The following ENTPD5 variants were observed in gnomAD, a reference collection of about 807,000 sequenced individuals.
The protein encoded by ENTPD5 is nucleoside diphosphate phosphatase ENTPD5.
In ENTPD5, 49 loss-of-function variants were observed where a neutral mutation model predicts 60.2. The ratio of observed to expected loss-of-function variants is 0.81; its 90% CI spans 0.65 to 1.03. The LOEUF (loss-of-function observed/expected upper bound fraction) is 1.03. Ranked by LOEUF, ENTPD5 falls within the 50% of genes least tolerant of loss-of-function variation. ENTPD5 has a pLI of 0.00. For missense variants in ENTPD5, 480 were observed against 507.6 expected, an observed-to-expected ratio of 0.95 and a Z score of 0.52; for synonymous variants, 187 against 185.4, an observed-to-expected ratio of 1.01 and a Z score of -0.07.
chr14:73,981,077 C>T lies in ENTPD5; in HGVS notation c.441+1941G>A, dbSNP rs144090634. ...TCGCACTACTGCACTCCAGCCTGGG[C>T]GACAGAGCAAGTCTCCGCCTCTCAA... is the stretch of plus-strand genomic sequence containing the variant. On this transcript the variant is annotated intron_variant, in intron 6 of 15. Coordinates refer to ENST00000334696, the MANE Select transcript of ENTPD5 (RefSeq NM_001249.5). Among the ~76,000 whole-genome samples, 676 of 151,200 alleles carry T rather than the reference C, an allele frequency of 4.5e-3. 4 individuals carry two copies. Among genetic ancestry groups the T allele is most frequent in the Non-Finnish European group, 6.2e-3 (422 of 67,804 alleles).
chr14:73,972,342 C>A (rs1566713204), intron 13 of ENTPD5, among the ~76,000 whole-genome samples: 1 of 152,100 alleles, frequency 6.6e-6, no homozygotes, highest in Non-Finnish European at 1.5e-5. Context: ...CCATTGCACT[C>A]CAGCCTGGGT....
chr14:74,007,059 T>C (rs1195361876), intron 3 of ENTPD5, among the ~76,000 whole-genome samples: 1 of 152,168 alleles, frequency 6.6e-6, no homozygotes, highest in African/African-American at 2.4e-5. Flanking sequence ...ATAGAAACTT[T>C]ATGCTACATA....
chr14:73,976,544 G>T, intron 8 of ENTPD5, 132 bp from the exon 9 acceptor site: 2 of 662,644 alleles, frequency 3.0e-6, no homozygotes, highest in Admixed American at 2.9e-5. Flanking sequence ...GGCTGCAGGT[G>T]AATGTCAACT....
chr14:73,972,990 C>G lies in ENTPD5; in HGVS notation c.921G>C (p.Val307=), dbSNP rs17094438. The G allele has an allele frequency of 1.6e-3, 2,635 of 1,614,212 alleles. 43 individuals carry two copies. The African/African-American group carries it at 0.032, about 20-fold the overall frequency. The change falls in exon 13 of 16, where the codon GTG becomes GTC. Residue 307 remains valine, a synonymous_variant. Transcript: ENST00000334696. ...GAAGTTTTCCTCGTACCACCCTCAG[C>G]ACTTCGGCATAGCAGGGCTCAAAGC... The part of the protein sequence containing the change: ...EVGFEPCYAE[V]LRVVRGKLHQ...
At chr14:73,978,326 G>A (rs1331581989) in intron 6 of ENTPD5, among the ~76,000 whole-genome samples, 2 of 151,750 alleles carry the variant, frequency 1.3e-5, no homozygotes, top group African/African-American at 2.4e-5. Flanking sequence ...AGTGGCAGCC[G>A]GGCATGGTGG....
intron 3 of ENTPD5, chr14:74,003,417 A>G: frequency 1.0e-6 from 1 of 966,794 alleles, no homozygotes; most frequent in Non-Finnish European, 1.6e-6. Context: ...GTGGAGGAAA[A>G]AGCGAATGTG....
chr14:73,997,632 C>T (rs553489477), intron 3 of ENTPD5, among the ~76,000 whole-genome samples: 1 of 152,172 alleles, frequency 6.6e-6, no homozygotes, highest in South Asian at 2.1e-4. Flanking sequence ...CAAGCAAAAC[C>T]AAGGTAGGTC....
Position 73,966,422 on chromosome 14 carries a change from T to C in ENTPD5, c.*506A>G, listed in dbSNP as rs186508575. The C allele has an allele frequency of 3.6e-3, 544 of 152,640 alleles. 13 individuals carry two copies. Among genetic ancestry groups the C allele is most frequent in the Admixed American group, 0.031 (478 of 15,294 alleles). The allele number at this position is 152,640 out of a possible 1,614,324, so 9.5% of individuals were successfully genotyped here. ...GAATAGGATCATACAGATTCTGACA[T>C]GGTCCCATTTTGCGTTGTTGAATTA... On this transcript the variant is annotated 3_prime_UTR_variant, in exon 16 of 16. Coordinates refer to ENST00000334696, the MANE Select transcript of ENTPD5 (RefSeq NM_001249.5).
intron 15 of ENTPD5, 60 bp from the exon 16 acceptor site, chr14:73,967,074 G>T: frequency 7.1e-7 from 1 of 1,417,534 alleles, no homozygotes; most frequent in Non-Finnish European, 9.9e-7. Flanking sequence ...AGCAAGCACA[G>T]CTCTTGGGCA....
At chr14:74,002,941 G>T (rs929646194) in intron 3 of ENTPD5, among the ~76,000 whole-genome samples, 1 of 152,058 alleles carries the variant, frequency 6.6e-6, no homozygotes, top group Non-Finnish European at 1.5e-5. Context: ...TGACCTCTGC[G>T]CTTATTCACT....
downstream of ENTPD5, chr14:73,961,541 G>C (rs1355230476): frequency 6.2e-7 from 1 of 1,614,182 alleles, no homozygotes. Context: ...CATCACCTCA[G>C]TACGGCAGCC....
At chr14:73,983,187 T>C in intron 5 of ENTPD5, 26 bp from the exon 6 acceptor site, 1 of 1,593,054 alleles carries the variant, frequency 6.3e-7, no homozygotes, top group Non-Finnish European at 8.6e-7. Context: ...CCCGTTCATC[T>C]GATGAACGAT....
intron 14 of ENTPD5, among the ~76,000 whole-genome samples, chr14:73,971,599 G>A (rs1236703585): frequency 6.6e-6 from 1 of 152,182 alleles, no homozygotes; most frequent in South Asian, 2.1e-4. Context: ...TGTGATTATA[G>A]TGCACTATAA....
At chr14:73,971,780 G>T in intron 14 of ENTPD5, 72 bp downstream of exon 14, 2 of 983,400 alleles carry the variant, frequency 2.0e-6, no homozygotes, top group Non-Finnish European at 3.2e-6. Flanking sequence ...AGGTGCTTTA[G>T]GTCACTTTAG....
At chr14:73,996,373 T>C (rs1379935430) in intron 3 of ENTPD5, 7 of 181,742 alleles carry the variant, frequency 3.9e-5, no homozygotes, top group Non-Finnish European at 6.3e-5. Flanking sequence ...TTATCGCTCA[T>C]AGGGCGGAAG....
intron 3 of ENTPD5, among the ~76,000 whole-genome samples, chr14:74,006,583 CTT>C (rs753313229): frequency 3.8e-4 from 54 of 140,674 alleles, no homozygotes; most frequent in Admixed American, 3.6e-4. Context: ...ACACCCGGCC[CTT>C]TTTTTTTTTT....
intron 1 of ENTPD5, among the ~76,000 whole-genome samples, chr14:74,018,292 G>A (rs1019516069): frequency 3.3e-5 from 5 of 152,212 alleles, no homozygotes; most frequent in African/African-American, 1.2e-4. Context: ...AGGCGGAGGG[G>A]AGTAATTAGA....
downstream of ENTPD5, chr14:73,959,129 T>G: frequency 6.2e-7 from 1 of 1,614,188 alleles, no homozygotes; most frequent in Non-Finnish European, 8.5e-7. Context: ...CACTAGGTAC[T>G]TCACAGAGAA....
At chr14:74,006,523 T>C (rs887520131) in intron 3 of ENTPD5, among the ~76,000 whole-genome samples, 3 of 151,804 alleles carry the variant, frequency 2.0e-5, no homozygotes, top group Admixed American at 2.0e-4. Flanking sequence ...GACCTCGTGA[T>C]CCGCCCGCCT....
Sources: gnomAD v4.1 joint callset for allele counts (sites outside exome capture counted in the v4.1 genomes callset) on GRCh38, gnomAD v4.1.1 for gene constraint, MANE v1.5 for transcripts, NCBI Gene and HGNC (gene_info 2026-07-23, HGNC 2026-07-21) for gene names.